MINDY2: variants seen among roughly 807,000 people sequenced by gnomAD.
The protein encoded by MINDY2 is ubiquitin carboxyl-terminal hydrolase MINDY-2.
MINDY2 carries 52 observed loss-of-function variants against 68.2 expected under a neutral mutation model. The ratio of observed to expected loss-of-function variants is 0.76; its 90% CI spans 0.61 to 0.96. The LOEUF (loss-of-function observed/expected upper bound fraction) is 0.96. Ranked by LOEUF, MINDY2 falls within the 40% of genes least tolerant of loss-of-function variation. The pLI, the probability that MINDY2 is intolerant of heterozygous loss-of-function variation, is 0.00. For synonymous variants in MINDY2, 372 were observed against 303.0 expected, an observed-to-expected ratio of 1.23 and a Z score of -2.36; for missense variants, 881 against 773.4, an observed-to-expected ratio of 1.14 and a Z score of -1.65.
intron 2 of MINDY2, among the ~76,000 whole-genome samples, chr15:58,793,369 T>G (rs755785268): frequency 6.6e-6 from 1 of 152,128 alleles, no homozygotes; most frequent in Non-Finnish European, 1.5e-5. Flanking sequence ...GAGAATCGCT[T>G]GAACCCAGCA....
chr15:58,788,022 T>G, intron 2 of MINDY2, 59 bp downstream of exon 2: 8 of 1,187,710 alleles, frequency 6.7e-6, no homozygotes, highest in Non-Finnish European at 9.6e-6. Context: ...CAAAGCTAGT[T>G]GATTACCCAG....
chr15:58,771,716 G>C lies in MINDY2; in HGVS notation c.321G>C (p.Lys107Asn). 1 of 1,612,260 alleles carries C rather than the reference G, an allele frequency of 6.2e-7. No homozygotes were observed. The highest frequency in any genetic ancestry group is 8.5e-7 in the Non-Finnish European group (1 of 1,179,742). The change falls in exon 1 of 9, where the codon AAG (lysine) becomes AAC (asparagine). Residue 107 changes from lysine (K) to asparagine (N), a missense_variant. Lys to Asn is a moderately conservative substitution (Grantham distance 94). Transcript: ENST00000559228. ...AGGCGCCTCTGAGAGGGCAGTACAA[G>C]GTGACCGCCTCCCCGGAGACAGCCG... ...AAEAPLRGQY[K>N]VTASPETAVA...
intron 7 of MINDY2, among the ~76,000 whole-genome samples, chr15:58,849,730 C>G (rs1175431053): frequency 6.6e-6 from 1 of 152,108 alleles, no homozygotes; most frequent in Non-Finnish European, 1.5e-5. Context: ...ATGACAAGAT[C>G]TTTCCAGGCA....
intron 2 of MINDY2, among the ~76,000 whole-genome samples, chr15:58,794,379 G>GTGTGTC (rs1555429201): frequency 6.6e-6 from 1 of 151,352 alleles, no homozygotes; most frequent in Non-Finnish European, 1.5e-5. Flanking sequence ...GTGTGTGTGT[G>GTGTGTC]TGTGTGTGTG....
intron 2 of MINDY2, among the ~76,000 whole-genome samples, chr15:58,788,550 G>A (rs1335532505): frequency 1.3e-5 from 2 of 152,190 alleles, no homozygotes; most frequent in African/African-American, 4.8e-5. Flanking sequence ...AAACAGACCA[G>A]TAGTACAGTT....
At chr15:58,813,934 T>C (rs1332162548) in intron 4 of MINDY2, among the ~76,000 whole-genome samples, 1 of 145,578 alleles carries the variant, frequency 6.9e-6, no homozygotes, top group Non-Finnish European at 1.5e-5. Flanking sequence ...TGCATTTCTT[T>C]TTTTTTTTTT....
intron 2 of MINDY2, among the ~76,000 whole-genome samples, chr15:58,789,788 C>G (rs1220162411): frequency 3.3e-5 from 5 of 152,162 alleles, no homozygotes; most frequent in Admixed American, 1.3e-4. Context: ...GCTGGGATTA[C>G]AGGCATGCAC....
intron 3 of MINDY2, among the ~76,000 whole-genome samples, chr15:58,805,884 G>C (rs754915126): frequency 2.0e-5 from 3 of 152,226 alleles, no homozygotes; most frequent in South Asian, 2.1e-4. Context: ...GACCATGCTG[G>C]CTAACACAGT....
Position 58,852,922 on chromosome 15 carries a change from GTTTTTTTTTTTTTTTT to G in MINDY2, c.1737+990_1737+1005del, listed in dbSNP as rs746154698. ...TATACCATGCCAGACTGCTGTTCCTGTTTTTTTTTTTTTTTTTTTTTTTTTTTTTTTTTTTTTTTTT... is the reference window on the plus strand; with the variant it reads ...TATACCATGCCAGACTGCTGTTCCTGTTTTTTTTTTTTTTTTTTTTTTTTT... On this transcript the variant is annotated intron_variant, in intron 8 of 8. Coordinates refer to ENST00000559228, the MANE Select transcript of MINDY2 (RefSeq NM_001040450.3). Among the ~76,000 whole-genome samples, 183 of 48,878 alleles carry G rather than the reference GTTTTTTTTTTTTTTTT, an allele frequency of 3.7e-3. 2 individuals are homozygous for G. Among genetic ancestry groups the G allele is most frequent in the Non-Finnish European group, 4.5e-3 (112 of 24,818 alleles). 32.1% of individuals were successfully genotyped at this position (48,878 alleles called of 152,430 possible).
intron 7 of MINDY2, among the ~76,000 whole-genome samples, chr15:58,850,864 G>C (rs2032776582): frequency 6.6e-6 from 1 of 152,092 alleles, no homozygotes; most frequent in African/African-American, 2.4e-5. Flanking sequence ...AGGGAATATA[G>C]GTGTGTGCCG....
chr15:58,853,819 TAAAAAAA>T (rs10563818), intron 8 of MINDY2, among the ~76,000 whole-genome samples: 1 of 102,202 alleles, frequency 9.8e-6, no homozygotes, highest in African/African-American at 3.8e-5. Flanking sequence ...TCCATCTCAA[TAAAAAAA>T]AAAAAAAAAA....
chr15:58,788,236 T>G lies in MINDY2; in HGVS notation c.898+273T>G, dbSNP rs139197611. ...ATCTTAATCCCAATAAATTGTAGAA[T>G]GGGAGATGGTACAGAATCGCTGACA... On this transcript the variant is annotated intron_variant, in intron 2 of 8. Transcript: ENST00000559228. Among the ~76,000 whole-genome samples the G allele has an allele frequency of 5.3e-5, 8 of 152,278 alleles. No homozygotes were observed. The East Asian group carries it at 1.5e-3, about 29-fold the overall frequency.
chr15:58,786,398 A>G (rs528871464), intron 1 of MINDY2, among the ~76,000 whole-genome samples: 5 of 152,250 alleles, frequency 3.3e-5, no homozygotes, highest in Admixed American at 1.3e-4. Flanking sequence ...CTCCTAGTCT[A>G]TAAATATATC....
At chr15:58,812,175 C>T (rs1194970129) in intron 4 of MINDY2, among the ~76,000 whole-genome samples, 6 of 152,110 alleles carry the variant, frequency 3.9e-5, no homozygotes, top group African/African-American at 7.2e-5. Context: ...CAGTGGCTCA[C>T]GCCTGTAATC....
At chr15:58,839,942 C>T (rs920578006) in intron 6 of MINDY2, among the ~76,000 whole-genome samples, 4 of 151,790 alleles carry the variant, frequency 2.6e-5, no homozygotes, top group South Asian at 2.1e-4. Context: ...AAGCAATTCT[C>T]GTGCCTCAGC....
intron 7 of MINDY2, among the ~76,000 whole-genome samples, chr15:58,848,422 T>C (rs1463247721): frequency 6.6e-6 from 1 of 152,126 alleles, no homozygotes; most frequent in East Asian, 1.9e-4. Flanking sequence ...TAATGGCAAT[T>C]TGAAGAGCAG....
At chr15:58,791,238 T>C (rs1469345178) in intron 2 of MINDY2, among the ~76,000 whole-genome samples, 7 of 123,572 alleles carry the variant, frequency 5.7e-5, no homozygotes, top group Admixed American at 8.2e-5. Flanking sequence ...TATATATATA[T>C]ATATATATAT....
intron 4 of MINDY2, among the ~76,000 whole-genome samples, chr15:58,812,218 A>G (rs1047209740): frequency 6.6e-6 from 1 of 152,140 alleles, no homozygotes; most frequent in Non-Finnish European, 1.5e-5. Flanking sequence ...CGGGTGGATC[A>G]TGAAGTCAGG....
At chr15:58,812,946 T>C (rs1400226532) in intron 4 of MINDY2, among the ~76,000 whole-genome samples, 1 of 152,176 alleles carries the variant, frequency 6.6e-6, no homozygotes, top group African/African-American at 2.4e-5. Context: ...CCCTTTTATA[T>C]CCACACCCAC....
Sources: allele counts gnomAD v4.1 joint callset (sites outside exome capture counted in the v4.1 genomes callset), GRCh38; gene constraint gnomAD v4.1.1; transcripts MANE v1.5; gene names NCBI Gene and HGNC (gene_info 2026-07-23, HGNC 2026-07-21).